TSPAN1: variants seen among roughly 807,000 people sequenced by gnomAD.
TSPAN1 encodes the protein tetraspanin 1, also known as tetraspanin-1.
In TSPAN1, 23 loss-of-function variants were observed where a neutral mutation model predicts 26.9. The observed-to-expected ratio is 0.85, with a 90% CI of 0.62 to 1.21. The LOEUF is 1.21. Ranked by LOEUF, TSPAN1 falls within the 50% of genes most tolerant of loss-of-function variation. The pLI is 0.00. For synonymous variants in TSPAN1, 115 were observed against 114.8 expected, an observed-to-expected ratio of 1.00 and a Z score of -0.01; for missense variants, 283 against 298.4, an observed-to-expected ratio of 0.95 and a Z score of 0.38.
rs1017620482 is a variant in TSPAN1, at chr1:46,185,324, G to A, written c.678+16G>A. On this transcript the variant is annotated intron_variant, in intron 8 of 8. Coordinates refer to ENST00000372003, the MANE Select transcript of TSPAN1 (RefSeq NM_005727.4). The stretch of plus-strand genomic sequence containing the variant: ...GGGCCTCGAGGTAAGCAGATGAGGA[G>A]GCTGGGACTGGGACATGGGCATGAG... The A allele has an allele frequency of 1.2e-6, 2 of 1,613,828 alleles. No individual in the cohort carries two copies. Among genetic ancestry groups the A allele is most frequent in the Non-Finnish European group, 1.7e-6 (2 of 1,179,940 alleles).
At chr1:46,192,157 C>G in the TSPAN1 span, 1 of 1,614,194 alleles carries the variant, frequency 6.2e-7, no homozygotes, top group East Asian at 2.2e-5. Flanking sequence ...CGGGAAACGT[C>G]AGGGATGATG....
At chr1:46,182,317 A>AAAAAAAAAAAAAAAAAAAAAAAAAAAAC (rs1657332418) in intron 3 of TSPAN1, among the ~76,000 whole-genome samples, 2 of 146,228 alleles carry the variant, frequency 1.4e-5, no homozygotes, top group Admixed American at 7.0e-5. Context: ...AAAAAAAAAA[A>AAAAAAAAAAAAAAAAAAAAAAAAAAAAC]GCCACTGTGA....
intron 1 of TSPAN1, among the ~76,000 whole-genome samples, chr1:46,179,055 A>T (rs1384361178): frequency 6.6e-6 from 1 of 152,084 alleles, no homozygotes; most frequent in Non-Finnish European, 1.5e-5. Flanking sequence ...AGCTAGGCAC[A>T]GTGGCTGATG....
chr1:46,190,227 G>C (rs935991005), downstream of TSPAN1: 20 of 640,388 alleles, frequency 3.1e-5, no homozygotes, highest in Non-Finnish European at 2.6e-6. Flanking sequence ...TGTATTTTTA[G>C]TAGAGACAGG....
rs1024308601 is a variant in TSPAN1, at chr1:46,183,098, A to T, written c.58-1093A>T. On this transcript the variant is annotated intron_variant, in intron 3 of 8. Coordinates refer to ENST00000372003, the MANE Select transcript of TSPAN1 (RefSeq NM_005727.4). ...CCAAAGTGCGGGGATTACAGGCATG[A>T]GCCACTGTGCCAGTCCTGAACTAGT... 2.2e-4 allele frequency among the ~76,000 whole-genome samples: 34 copies of T among 152,198 alleles called. 1 individual carries two copies. Among genetic ancestry groups the T allele is most frequent in the African/African-American group, 7.7e-4 (32 of 41,452 alleles).
At chr1:46,192,249 G>A in the TSPAN1 span, 3 of 1,614,202 alleles carry the variant, frequency 1.9e-6, no homozygotes, top group South Asian at 2.2e-5. Flanking sequence ...CACGATGAAG[G>A]TTAAGATGTT....
intron 6 of TSPAN1, 22 bp from the exon 7 acceptor site, chr1:46,184,938 T>A: frequency 6.2e-7 from 1 of 1,614,132 alleles, no homozygotes; most frequent in Non-Finnish European, 8.5e-7. Context: ...AGGCCCCACC[T>A]CCACCCTCAT....
intron 3 of TSPAN1, among the ~76,000 whole-genome samples, chr1:46,183,117 A>T (rs1195772556): frequency 6.6e-6 from 1 of 152,154 alleles, no homozygotes; most frequent in African/African-American, 2.4e-5. Context: ...GCCAGTCCTG[A>T]ACTAGTCTTT....
downstream of TSPAN1, chr1:46,189,723 G>C (rs1657600833): frequency 1.3e-6 from 2 of 1,553,268 alleles, no homozygotes; most frequent in African/African-American, 2.7e-5. Flanking sequence ...AAGGAGGTTG[G>C]AAGAGGTGTT....
At chr1:46,194,985 A>T in the TSPAN1 span, 7 of 1,610,378 alleles carry the variant, frequency 4.3e-6, no homozygotes, top group South Asian at 7.7e-5. Flanking sequence ...GAAGGCAGTT[A>T]GCCTGACTGG....
At chr1:46,183,262 G>A (rs952343907) in intron 3 of TSPAN1, among the ~76,000 whole-genome samples, 2 of 152,234 alleles carry the variant, frequency 1.3e-5, no homozygotes, top group Non-Finnish European at 2.9e-5. Flanking sequence ...GGCAAAGCAG[G>A]ATAGGGCAGA....
chr1:46,178,421 A>C, intron 1 of TSPAN1, among the ~76,000 whole-genome samples: 3 of 136,900 alleles, frequency 2.2e-5, no homozygotes, highest in African/African-American at 5.5e-5. Context: ...TTTCCCCCTT[A>C]CTCTGCTCCT....
downstream of TSPAN1, chr1:46,188,712 G>T: frequency 6.3e-7 from 1 of 1,598,924 alleles, no homozygotes; most frequent in Non-Finnish European, 8.5e-7. Flanking sequence ...TTTAATCAAT[G>T]ACCAACTTAT....
chr1:46,193,826 T>G, the TSPAN1 span: 2 of 1,613,300 alleles, frequency 1.2e-6, no homozygotes, highest in Non-Finnish European at 1.7e-6. Flanking sequence ...TCCTGTTCAG[T>G]GCTGGGTATA....
the TSPAN1 span, chr1:46,194,426 G>A: frequency 2.5e-6 from 4 of 1,614,158 alleles, no homozygotes; most frequent in Non-Finnish European, 3.4e-6. Flanking sequence ...CGGTTGTCAT[G>A]GAGGCATGGG....
At chr1:46,177,557 C>T (rs986132776) in intron 1 of TSPAN1, among the ~76,000 whole-genome samples, 2 of 152,040 alleles carry the variant, frequency 1.3e-5, no homozygotes, top group African/African-American at 4.8e-5. Flanking sequence ...CCATTTTAGA[C>T]AGTAAAATCA....
At chr1:46,189,945 G>C, downstream of TSPAN1, 2 of 1,614,150 alleles carry the variant, frequency 1.2e-6, no homozygotes, top group Non-Finnish European at 1.7e-6. Context: ...TGGCAGGAAA[G>C]AGTCTTCACA....
At chr1:46,191,612 G>T in the TSPAN1 span, 2 of 228,976 alleles carry the variant, frequency 8.7e-6, no homozygotes, top group Non-Finnish European at 1.7e-5. Flanking sequence ...TCAAAATATC[G>T]TAACCCAGTG....
In TSPAN1 at chr1:46,184,362, G is replaced by A; in HGVS notation, c.229G>A (p.Gly77Ser). The A allele has an allele frequency of 6.2e-7, 1 of 1,614,180 alleles. No individual in the cohort carries two copies. The highest frequency in any genetic ancestry group is 1.1e-5 in the South Asian group (1 of 91,074). ...VFALGFLGCY[G>S]AKTESKCALV... ...TGCTCTTGGTTTCCTGGGCTGCTAT[G>A]GTGCTAAGACTGAGAGCAAGTGTGC... Residue 77 changes from glycine (G) to serine (S), a missense_variant, in exon 4 of 9, where the codon GGT (glycine) becomes AGT (serine). Physicochemically the swap from Gly to Ser is moderately conservative, Grantham distance 56. Transcript: ENST00000372003.
Sources: gnomAD v4.1 joint callset for allele counts (sites outside exome capture counted in the v4.1 genomes callset) on GRCh38, gnomAD v4.1.1 for gene constraint, MANE v1.5 for transcripts, NCBI Gene and HGNC (gene_info 2026-07-23, HGNC 2026-07-21) for gene names.